The following CTIF variants were observed in gnomAD, a reference collection of about 807,000 sequenced individuals.
The protein encoded by CTIF is CBP80/20-dependent translation initiation factor.
CTIF carries 21 observed loss-of-function variants against 66.0 expected under a neutral mutation model. The ratio of observed to expected loss-of-function variants is 0.32; its 90% confidence interval spans 0.23 to 0.46. The LOEUF (loss-of-function observed/expected upper bound fraction) is 0.46. CTIF is among the 20% of genes least tolerant of loss of function. The pLI is 1.00. For synonymous variants in CTIF, 345 were observed against 326.4 expected (o/e 1.06, Z -0.62); for missense variants, 739 against 812.7 (o/e 0.91, Z 1.10).
chr18:48,764,989 C>T (rs1023894399), intron 9 of CTIF, among the ~76,000 whole-genome samples: 5 of 152,210 alleles, frequency 3.3e-5, no homozygotes, highest in Admixed American at 6.5e-5. Flanking sequence ...TCTGGCTGAG[C>T]CTCCTCAGGC....
rs1294598415 is a variant in CTIF at position 48,657,598 on chromosome 18, C to T, written c.253-6154C>T. Among the ~76,000 whole-genome samples, 5 of 152,162 alleles carry T rather than the reference C, an allele frequency of 3.3e-5. No individual in the cohort carries two copies. The East Asian group carries it at 5.8e-4, about 18-fold the overall frequency. ...GTACAACAATGACGAGAGGAATCAG[C>T]TCTGCACGGGAGTGTGCAGGGTACG... On this transcript the variant is annotated intron_variant, in intron 3 of 11. Coordinates refer to ENST00000256413, the MANE Select transcript of CTIF (RefSeq NM_014772.3).
chr18:48,762,618 A>G (rs1304735316), intron 9 of CTIF, among the ~76,000 whole-genome samples: 1 of 152,204 alleles, frequency 6.6e-6, no homozygotes, highest in Non-Finnish European at 1.5e-5. Context: ...GATGAGATAA[A>G]ATGGTAGTTT....
Position 48,619,649 on chromosome 18 carries a change from C to T in CTIF, c.84C>T (p.Ile28=), listed in dbSNP as rs1414460126. 7 of 1,606,334 alleles carry T rather than the reference C, an allele frequency of 4.4e-6. No individual in the cohort carries two copies. The highest frequency in any genetic ancestry group is 5.9e-6 in the Non-Finnish European group (7 of 1,176,730). The stretch of plus-strand genomic sequence containing the variant: ...AGATCGAGGAGCTGGAGCGCTTCAT[C>T]GACAGCTACGTGCTGGAGTACCAGG... ...SQEIEELERF[I]DSYVLEYQVQ... Residue 28 remains isoleucine, a synonymous_variant, in exon 2 of 12, where the codon ATC becomes ATT. Transcript: ENST00000256413.
At chr18:48,700,582 G>A (rs888264574) in intron 6 of CTIF, among the ~76,000 whole-genome samples, 4 of 152,214 alleles carry the variant, frequency 2.6e-5, no homozygotes, top group East Asian at 3.9e-4. Flanking sequence ...TGCCCTGTGC[G>A]AACGTGACTA....
chr18:48,583,878 A>G (rs946562000), intron 1 of CTIF, among the ~76,000 whole-genome samples: 2 of 152,234 alleles, frequency 1.3e-5, no homozygotes, highest in African/African-American at 4.8e-5. Context: ...AAGTGCCTTG[A>G]ATATTAAGTC....
chr18:48,846,598 A>G (rs141900112), intron 10 of CTIF, among the ~76,000 whole-genome samples: 7,544 of 141,414 alleles, frequency 0.053, 614 homozygotes, highest in African/African-American at 0.19. Flanking sequence ...TGGGTGGATG[A>G]ATGGATGGAT....
At chr18:48,841,482 A>C (rs2068940635) in intron 10 of CTIF, among the ~76,000 whole-genome samples, 1 of 152,186 alleles carries the variant, frequency 6.6e-6, no homozygotes, top group Admixed American at 6.5e-5. Context: ...CCCCCAGGGA[A>C]GCTTACCCAG....
intron 7 of CTIF, among the ~76,000 whole-genome samples, chr18:48,722,525 T>C (rs2092348338): frequency 6.6e-6 from 1 of 152,170 alleles, no homozygotes; most frequent in Admixed American, 6.5e-5. Flanking sequence ...CCAGCCTCTC[T>C]GTCCTCTTGA....
intron 3 of CTIF, among the ~76,000 whole-genome samples, chr18:48,660,561 C>G (rs949335309): frequency 2.6e-5 from 4 of 152,212 alleles, no homozygotes; most frequent in Admixed American, 6.5e-5. Context: ...GGTGGGTCCC[C>G]CGCCAGGGAT....
At chr18:48,772,104 T>C (rs562218887) in intron 9 of CTIF, among the ~76,000 whole-genome samples, 134 of 152,160 alleles carry the variant, frequency 8.8e-4, no homozygotes, top group East Asian at 3.9e-4. Context: ...AAGAAAATAG[T>C]GTTGCGTTAT....
chr18:48,646,014 A>G (rs908160398), intron 3 of CTIF, among the ~76,000 whole-genome samples: 2 of 152,224 alleles, frequency 1.3e-5, no homozygotes, highest in African/African-American at 4.8e-5. Flanking sequence ...ATTGTTTGTC[A>G]TATCACAAAC....
chr18:48,751,889 G>A (rs1907851947), intron 7 of CTIF, among the ~76,000 whole-genome samples: 1 of 152,216 alleles, frequency 6.6e-6, no homozygotes, highest in African/African-American at 2.4e-5. Flanking sequence ...CAGAGTCTCA[G>A]CATGTGTTTA....
chr18:48,709,858 T>C (rs1436169354), intron 6 of CTIF, among the ~76,000 whole-genome samples: 1 of 152,250 alleles, frequency 6.6e-6, no homozygotes, highest in East Asian at 1.9e-4. Context: ...AATTCATTCA[T>C]GCTTTCTTGG....
At chr18:48,579,561 A>C (rs1198994343) in intron 1 of CTIF, among the ~76,000 whole-genome samples, 4 of 152,182 alleles carry the variant, frequency 2.6e-5, no homozygotes, top group Non-Finnish European at 5.9e-5. Context: ...CTAAAAAGTA[A>C]CTTAGTTCTC....
At chr18:48,546,246 A>G (rs1022119770) in intron 1 of CTIF, among the ~76,000 whole-genome samples, 1 of 152,174 alleles carries the variant, frequency 6.6e-6, no homozygotes, top group African/African-American at 2.4e-5. Flanking sequence ...GATGTGTTTT[A>G]GGCAAACGTC....
At chr18:48,560,637 C>T (rs1233894910) in intron 1 of CTIF, among the ~76,000 whole-genome samples, 1 of 152,068 alleles carries the variant, frequency 6.6e-6, no homozygotes. Context: ...GTGGTGTGAC[C>T]TCAGCTCACT....
chr18:48,638,260 T>C (rs2090860999), intron 3 of CTIF, among the ~76,000 whole-genome samples: 1 of 152,178 alleles, frequency 6.6e-6, no homozygotes, highest in Admixed American at 6.5e-5. Context: ...AGAGAGAGGC[T>C]TTCAGGAAGT....
chr18:48,798,252 A>T (rs1177007896), intron 9 of CTIF, among the ~76,000 whole-genome samples: 1 of 152,222 alleles, frequency 6.6e-6, no homozygotes, highest in East Asian at 1.9e-4. Flanking sequence ...AGTGTTAAGC[A>T]TGCTAAGCCG....
chr18:48,671,265 A>C (rs1413228275), intron 6 of CTIF, among the ~76,000 whole-genome samples: 1 of 152,096 alleles, frequency 6.6e-6, no homozygotes, highest in Non-Finnish European at 1.5e-5. Flanking sequence ...GGATTCACTC[A>C]GTGAATCCAG....
Sources: allele counts gnomAD v4.1 joint callset (sites outside exome capture counted in the v4.1 genomes callset), GRCh38; gene constraint gnomAD v4.1.1; transcripts MANE v1.5; gene names NCBI Gene and HGNC (gene_info 2026-07-23, HGNC 2026-07-21).